The following PLXDC2 variants were observed in gnomAD, a reference collection of about 807,000 sequenced individuals.
PLXDC2 encodes the protein plexin domain-containing protein 2.
Under a neutral mutation model 68.9 loss-of-function variants are expected in PLXDC2, and 40 were observed. That is an observed-to-expected ratio of 0.58 (90% CI 0.45 to 0.76). The LOEUF (loss-of-function observed/expected upper bound fraction) is 0.76, where lower values mean the gene tolerates loss of function less well. PLXDC2 is among the 30% of genes least tolerant of loss of function. The pLI is 0.00. For synonymous variants in PLXDC2, 243 were observed against 234.2 expected, an observed-to-expected ratio of 1.04 and a Z score of -0.34; for missense variants, 644 against 661.9, an observed-to-expected ratio of 0.97 and a Z score of 0.30.
At chr10:19,834,608 G>A (rs1034784696) in intron 1 of PLXDC2, among the ~76,000 whole-genome samples, 1 of 152,190 alleles carries the variant, frequency 6.6e-6, no homozygotes, top group Non-Finnish European at 1.5e-5. Context: ...TATCTAATTG[G>A]ATTAGCCTAT....
intron 12 of PLXDC2, among the ~76,000 whole-genome samples, chr10:20,224,579 T>A (rs1272280534): frequency 1.3e-5 from 2 of 152,178 alleles, no homozygotes; most frequent in Non-Finnish European, 2.9e-5. Flanking sequence ...TGAGAAGACA[T>A]TTGCAAGTTG....
intron 1 of PLXDC2, among the ~76,000 whole-genome samples, chr10:19,931,980 T>TGTGTGTGTGTGTGTG (rs1554846171): frequency 6.6e-6 from 1 of 151,628 alleles, no homozygotes; most frequent in African/African-American, 2.4e-5. Flanking sequence ...TGTGTGTGTG[T>TGTGTGTGTGTGTGTG]TTAAGCTAAA....
intron 9 of PLXDC2, among the ~76,000 whole-genome samples, chr10:20,189,540 T>TACACAC (rs1428112115): frequency 6.0e-5 from 2 of 33,544 alleles, no homozygotes; most frequent in Non-Finnish European, 1.8e-4. Flanking sequence ...CACACATATA[T>TACACAC]ATACACACAC....
At chr10:20,090,692 T>C (rs963106145) in intron 4 of PLXDC2, among the ~76,000 whole-genome samples, 1 of 152,184 alleles carries the variant, frequency 6.6e-6, no homozygotes, top group Admixed American at 6.5e-5. Context: ...ATAATACTTG[T>C]GAATATTCCA....
rs558746765 is a variant in PLXDC2 at position 20,238,267 on chromosome 10, T to A, written c.1313-7078T>A. Among the ~76,000 whole-genome samples, 3 of 151,726 alleles carry A rather than the reference T, an allele frequency of 2.0e-5. No homozygotes were observed. In the South Asian group the frequency reaches 6.2e-4, roughly 32 times the overall value. Reference sequence around the variant, plus strand: ...CTTTCATCTTTCCTCCTTCTTTATTTTCCATGATTCATGGACTTCTCCAAA... The same window carrying A: ...CTTTCATCTTTCCTCCTTCTTTATTATCCATGATTCATGGACTTCTCCAAA... On this transcript the variant is annotated intron_variant, in intron 12 of 13. Coordinates refer to ENST00000377252, the MANE Select transcript of PLXDC2 (RefSeq NM_032812.9).
chr10:20,110,185 A>G (rs991668809), intron 4 of PLXDC2, among the ~76,000 whole-genome samples: 5 of 152,140 alleles, frequency 3.3e-5, no homozygotes, highest in African/African-American at 9.7e-5. Flanking sequence ...AGGTGGTGTT[A>G]TGCAAGGAGG....
At chr10:20,216,817 T>C (rs1835143897) in intron 10 of PLXDC2, among the ~76,000 whole-genome samples, 1 of 147,928 alleles carries the variant, frequency 6.8e-6, no homozygotes, top group East Asian at 2.0e-4. Flanking sequence ...ATGTTTTCAA[T>C]ATAGCTCTGC....
intron 1 of PLXDC2, among the ~76,000 whole-genome samples, chr10:19,886,556 C>T (rs1267331147): frequency 6.6e-6 from 1 of 152,078 alleles, no homozygotes; most frequent in African/African-American, 2.4e-5. Flanking sequence ...GCAGAAAAGG[C>T]CTTTGACAAA....
chr10:20,026,893 T>C (rs1253253513), intron 2 of PLXDC2, among the ~76,000 whole-genome samples: 1 of 138,228 alleles, frequency 7.2e-6, no homozygotes, highest in Non-Finnish European at 1.5e-5. Flanking sequence ...TATTCTAATA[T>C]ATAGAATACA....
At position 20,282,101 on chromosome 10, in the gene PLXDC2, AAACAT is replaced by A. The variant is rs1213889768; in HGVS notation, c.*2285_*2289del. On this transcript the variant is annotated 3_prime_UTR_variant, in exon 14 of 14. Transcript: ENST00000377252. ...CAAAACAATTGATAATTCTGTAAAA[AAACAT>A]AAACACTGAATTCTTCAGTGAACCA... The A allele has an allele frequency of 6.6e-6, 1 of 152,158 alleles. No individual in the cohort carries two copies. The highest frequency in any genetic ancestry group is 2.4e-5 in the African/African-American group (1 of 41,454). 9.4% of individuals were successfully genotyped at this position (152,158 alleles called of 1,614,324 possible).
rs114433025 is a variant in PLXDC2 at position 20,252,860 on chromosome 10, G to A, written c.1473+7355G>A. On this transcript the variant is annotated intron_variant, in intron 13 of 13. Coordinates refer to ENST00000377252, the MANE Select transcript of PLXDC2 (RefSeq NM_032812.9). Reference sequence around the variant, plus strand: ...GTCACCATAAAATATTTGATAAAATGTTGCCTTTTTTAATTGCTTGAGCAA... The same window carrying A: ...GTCACCATAAAATATTTGATAAAATATTGCCTTTTTTAATTGCTTGAGCAA... Among the ~76,000 whole-genome samples the A allele has an allele frequency of 7.9e-3, 1,199 of 152,222 alleles. 11 individuals are homozygous for A. The highest frequency in any genetic ancestry group is 0.024 in the African/African-American group (994 of 41,526).
intron 6 of PLXDC2, 128 bp from the exon 7 acceptor site, chr10:20,164,340 T>C (rs1589660933): frequency 1.3e-6 from 1 of 745,462 alleles, no homozygotes. Flanking sequence ...TCTAATACCT[T>C]TGACTCCCTT....
chr10:19,966,272 C>A (rs1016727028), intron 1 of PLXDC2, among the ~76,000 whole-genome samples: 1 of 145,472 alleles, frequency 6.9e-6, no homozygotes, highest in Non-Finnish European at 1.5e-5. Flanking sequence ...TGTAAGTACA[C>A]ATATATGTGT....
intron 13 of PLXDC2, among the ~76,000 whole-genome samples, chr10:20,255,414 C>T (rs963427245): frequency 6.6e-6 from 1 of 152,064 alleles, no homozygotes; most frequent in African/African-American, 2.4e-5. Flanking sequence ...ACTGACAGTA[C>T]CAACTGTTGA....
chr10:20,276,151 A>T (rs1401495235), intron 13 of PLXDC2, among the ~76,000 whole-genome samples: 3 of 152,104 alleles, frequency 2.0e-5, no homozygotes, highest in Non-Finnish European at 2.9e-5. Context: ...TATGTACCAC[A>T]GGTGTTTTCT....
intron 2 of PLXDC2, among the ~76,000 whole-genome samples, chr10:20,044,103 C>CCTTA (rs1835733353): frequency 8.2e-6 from 1 of 122,182 alleles, no homozygotes; most frequent in Non-Finnish European, 1.7e-5. Flanking sequence ...CCCCTTCCTT[C>CCTTA]CTTCCTTCCT....
rs545707282 is a variant in PLXDC2 at position 20,058,033 on chromosome 10, C to T, written c.472-10137C>T. ...AAAAAGAGAAGTTAGCAAAGGAGGA[C>T]GAAGAATTAAAATTGAACTTGGTCT... On this transcript the variant is annotated intron_variant, in intron 3 of 13. Coordinates refer to ENST00000377252, the MANE Select transcript of PLXDC2 (RefSeq NM_032812.9). 1.5e-4 allele frequency among the ~76,000 whole-genome samples: 22 copies of T among 151,550 alleles called. No individual in the cohort carries two copies. In the South Asian group the frequency reaches 2.3e-3, roughly 16 times the overall value.
intron 1 of PLXDC2, among the ~76,000 whole-genome samples, chr10:19,950,990 A>T (rs1380092330): frequency 6.6e-6 from 1 of 152,324 alleles, no homozygotes; most frequent in East Asian, 1.9e-4. Context: ...ATATATAAAA[A>T]TTAACTGAAG....
chr10:20,243,980 G>A (rs200569188), intron 12 of PLXDC2, among the ~76,000 whole-genome samples: 8 of 151,856 alleles, frequency 5.3e-5, no homozygotes, highest in African/African-American at 1.7e-4. Flanking sequence ...AATTGCTTGA[G>A]CCTGGGAGGT....
Sources: gnomAD v4.1 joint callset for allele counts (sites outside exome capture counted in the v4.1 genomes callset) on GRCh38, gnomAD v4.1.1 for gene constraint, MANE v1.5 for transcripts, NCBI Gene and HGNC (gene_info 2026-07-23, HGNC 2026-07-21) for gene names.